Variants in MELK observed in about 807,000 individuals in gnomAD.
MELK encodes pEg3 kinase.
MELK carries 81 observed loss-of-function variants against 85.0 expected under a neutral mutation model. The ratio of observed to expected loss-of-function variants is 0.95; its 90% CI spans 0.80 to 1.15. MELK has a LOEUF of 1.15. Among genes scored for constraint, MELK ranks in the 50% most tolerant of loss-of-function variants. MELK has a pLI of 0.00. For missense variants in MELK, 754 were observed against 777.5 expected (o/e 0.97, Z 0.36); for synonymous variants, 252 against 265.0 (o/e 0.95, Z 0.48).
At chr9:36,577,308 T>A (rs1234837838) in intron 1 of MELK, among the ~76,000 whole-genome samples, 1 of 151,140 alleles carries the variant, frequency 6.6e-6, no homozygotes, top group Non-Finnish European at 1.5e-5. Context: ...AGGTCAGGAG[T>A]CTGAGACCAG....
intron 8 of MELK, among the ~76,000 whole-genome samples, chr9:36,608,521 A>G (rs1159942053): frequency 6.6e-6 from 1 of 151,862 alleles, no homozygotes; most frequent in Admixed American, 6.6e-5. Context: ...CCTGCTGATA[A>G]GGGGGACTAC....
At chr9:36,666,930 C>T (rs1217568276) in intron 14 of MELK, among the ~76,000 whole-genome samples, 4 of 144,866 alleles carry the variant, frequency 2.8e-5, no homozygotes, top group African/African-American at 1.0e-4. Context: ...TGGGGGGGTG[C>T]GGTGGCGCTG....
intron 4 of MELK, among the ~76,000 whole-genome samples, chr9:36,590,580 C>T (rs1354996090): frequency 6.6e-6 from 1 of 152,178 alleles, no homozygotes; most frequent in African/African-American, 2.4e-5. Context: ...GATCCAGTGA[C>T]AGTTCAACCC....
At chr9:36,581,974 CTT>C (rs11323657) in intron 2 of MELK, among the ~76,000 whole-genome samples, 1 of 147,884 alleles carries the variant, frequency 6.8e-6, no homozygotes, top group Non-Finnish European at 1.5e-5. Flanking sequence ...TCTTTTATTT[CTT>C]TTTTTTTTTG....
At chr9:36,611,449 A>C (rs1234937265) in intron 8 of MELK, among the ~76,000 whole-genome samples, 1 of 152,100 alleles carries the variant, frequency 6.6e-6, no homozygotes, top group Non-Finnish European at 1.5e-5. Flanking sequence ...CAGGGTGGGG[A>C]AAGTTAGCTA....
chr9:36,614,373 G>A (rs1021118510), intron 8 of MELK, among the ~76,000 whole-genome samples: 3 of 151,242 alleles, frequency 2.0e-5, no homozygotes, highest in Admixed American at 6.6e-5. Flanking sequence ...GGGATTACAG[G>A]TGTGAGCCAC....
In MELK at chr9:36,597,287, C is replaced by A; in HGVS notation, c.471C>A (p.Pro157=). Residue 157 remains proline (P), a synonymous_variant, in exon 6 of 18, where the codon CCC becomes CCA. Coordinates refer to ENST00000298048, the MANE Select transcript of MELK (RefSeq NM_014791.4). ...TTGACTTTGGTCTCTGTGCAAAACC[C>A]AAGGTAAGTGCAGAAATAAGATGCA... The part of the protein sequence containing the change: ...KLIDFGLCAK[P]KGNKDYHLQT... 1 of 1,611,212 alleles carries A rather than the reference C, an allele frequency of 6.2e-7. No individual in the cohort carries two copies. Among genetic ancestry groups the A allele is most frequent in the African/African-American group, 1.3e-5 (1 of 74,964 alleles).
chr9:36,666,320 GGTAA>G (rs1393784252), intron 14 of MELK, among the ~76,000 whole-genome samples: 6 of 152,176 alleles, frequency 3.9e-5, no homozygotes, highest in Admixed American at 1.3e-4. Context: ...AGGGTAGAGT[GGTAA>G]GTGTCATGAC....
At chr9:36,600,574 A>G (rs983621296) in intron 7 of MELK, among the ~76,000 whole-genome samples, 1 of 151,984 alleles carries the variant, frequency 6.6e-6, no homozygotes, top group Non-Finnish European at 1.5e-5. Flanking sequence ...TTTAGTAGAG[A>G]TGGGGTTTCA....
chr9:36,631,003 G>T (rs1444352248), intron 9 of MELK, among the ~76,000 whole-genome samples: 2 of 117,496 alleles, frequency 1.7e-5, no homozygotes, highest in African/African-American at 6.6e-5. Flanking sequence ...TCCCTCTGTT[G>T]CCCAGGCTGG....
intron 9 of MELK, 140 bp downstream of exon 9, chr9:36,630,507 C>A: frequency 1.5e-6 from 1 of 646,210 alleles, no homozygotes; most frequent in Non-Finnish European, 2.7e-6. Flanking sequence ...TCTATTAGAT[C>A]CTTTCTTAAT....
intron 15 of MELK, among the ~76,000 whole-genome samples, chr9:36,669,684 T>A (rs1832722133): frequency 6.6e-6 from 1 of 152,172 alleles, no homozygotes; most frequent in Non-Finnish European, 1.5e-5. Flanking sequence ...TAGTTACCTC[T>A]CTGAGGCCCA....
chr9:36,599,258 G>A (rs947639846), intron 6 of MELK, 136 bp from the exon 7 acceptor site: 7 of 501,374 alleles, frequency 1.4e-5, no homozygotes, highest in African/African-American at 4.3e-5. Context: ...CCGAGATTGC[G>A]CCATTGCACT....
At chr9:36,599,300 CAAAAAAAAAAAAAAA>C (rs34715003) in intron 6 of MELK, 79 bp from the exon 7 acceptor site, 1 of 376,128 alleles carries the variant, frequency 2.7e-6, no homozygotes, top group Middle Eastern at 6.2e-4. Context: ...GACTCCGTCT[CAAAAAAAAAAAAAAA>C]AAAAAAAAAG....
intron 12 of MELK, among the ~76,000 whole-genome samples, 165 bp downstream of exon 12, chr9:36,652,042 A>ATTTTTTTTTTTTTTTTTTTTTTTTTTTTT (rs11465173): frequency 2.2e-5 from 2 of 91,392 alleles, no homozygotes; most frequent in African/African-American, 4.1e-5. Flanking sequence ...TTGAACTCTA[A>ATTTTTTTTTTTTTTTTTTTTTTTTTTTTT]TTTTTTTTTT....
intron 4 of MELK, among the ~76,000 whole-genome samples, chr9:36,590,067 G>A (rs750525172): frequency 6.6e-6 from 1 of 151,640 alleles, no homozygotes; most frequent in African/African-American, 2.4e-5. Context: ...GACTACAGGC[G>A]CCCACCACCA....
intron 1 of MELK, among the ~76,000 whole-genome samples, chr9:36,580,477 G>C (rs914177154): frequency 5.3e-5 from 8 of 151,672 alleles, no homozygotes; most frequent in Non-Finnish European, 1.2e-4. Context: ...CTGCCACCAT[G>C]CCTGGCTAAT....
chr9:36,643,189 C>T (rs1587541175), intron 11 of MELK, 106 bp downstream of exon 11: 1 of 844,216 alleles, frequency 1.2e-6, no homozygotes, highest in Non-Finnish European at 1.8e-6. Flanking sequence ...TCGAGACCAG[C>T]CTGGCCAATG....
chr9:36,637,674 G>C (rs562648530), intron 10 of MELK, among the ~76,000 whole-genome samples: 3 of 152,284 alleles, frequency 2.0e-5, no homozygotes, highest in South Asian at 4.1e-4. Flanking sequence ...GTAGAGCTGT[G>C]GGGTATTTGC....
Sources: allele counts gnomAD v4.1 joint callset (sites outside exome capture counted in the v4.1 genomes callset), GRCh38; gene constraint gnomAD v4.1.1; transcripts MANE v1.5; gene names NCBI Gene and HGNC (gene_info 2026-07-23, HGNC 2026-07-21).